FANCA: variants seen among roughly 807,000 people sequenced by gnomAD.
FANCA encodes Fanconi anemia group A protein.
FANCA carries 236 observed loss-of-function variants against 194.3 expected under a neutral mutation model. The ratio of observed to expected loss-of-function variants is 1.21; its 90% CI spans 1.09 to 1.35. The LOEUF is 1.35. FANCA is among the 40% of genes most tolerant of loss of function. FANCA has a pLI of 0.00. For missense variants in FANCA, 2,628 were observed against 1,813.9 expected, an observed-to-expected ratio of 1.45 and a Z score of -8.15; for synonymous variants, 1,014 against 715.8, an observed-to-expected ratio of 1.42 and a Z score of -6.65.
chr16:89,771,688 C>T lies in FANCA; in HGVS notation c.2141G>A (p.Arg714Gln), dbSNP rs1054636249. Residue 714 changes from arginine to glutamine, a missense_variant, in exon 23 of 43, where the codon CGG becomes CAG. Physicochemically the swap from Arg to Gln is conservative, Grantham distance 43. Transcript: ENST00000389301. Reference sequence around the variant, plus strand: ...AGCCCCTACACCTACCATGTGTTCCCGTGGCTCCAGTCTCGGCGTGTTGAT... The same window carrying T: ...AGCCCCTACACCTACCATGTGTTCCTGTGGCTCCAGTCTCGGCGTGTTGAT... ...LSINTPRLEPREHMAVDLLLT... is the reference protein window; with the variant it reads ...LSINTPRLEPQEHMAVDLLLT... 1.5e-5 allele frequency: 24 copies of T among 1,614,012 alleles called. No homozygotes were observed. Among genetic ancestry groups the T allele is most frequent in the Non-Finnish European group, 1.8e-5 (21 of 1,180,024 alleles).
rs146739821 is a variant in FANCA, at chr16:89,776,687, C to T, written c.1827-872G>A. Among the ~76,000 whole-genome samples the T allele has an allele frequency of 5.6e-3, 849 of 151,496 alleles. 7 individuals are homozygous for T. The highest frequency in any genetic ancestry group is 0.02 in the African/African-American group (814 of 41,326). Reference sequence around the variant, plus strand: ...CTAAAAATACAAAAACAAAATTAGCCGGGCGTGGTGGCGGGCGCCTGCAGT... The same window carrying T: ...CTAAAAATACAAAAACAAAATTAGCTGGGCGTGGTGGCGGGCGCCTGCAGT... On this transcript the variant is annotated intron_variant, in intron 20 of 42. Coordinates refer to ENST00000389301, the MANE Select transcript of FANCA (RefSeq NM_000135.4).
Position 89,779,731 on chromosome 16 carries a change from C to G in FANCA, c.1715+138G>C. On this transcript the variant is annotated intron_variant, in intron 18 of 42. Transcript: ENST00000389301. ...CAGAAATGGGACACACTCCAAAGAG[C>G]CCCAGACGCTGGCAGGCATCAGAGC... is the stretch of plus-strand genomic sequence containing the variant. The G allele has an allele frequency of 4.0e-6, 3 of 759,410 alleles. No homozygotes were observed. In the South Asian group the frequency reaches 4.4e-5, roughly 11 times the overall value. 47.0% of individuals were successfully genotyped at this position (759,410 alleles called of 1,614,324 possible).
At chr16:89,796,859 A>G (rs2040264852) in intron 10 of FANCA, among the ~76,000 whole-genome samples, 1 of 152,056 alleles carries the variant, frequency 6.6e-6, no homozygotes, top group African/African-American at 2.4e-5. Context: ...CATCTACACT[A>G]AAAATACCAA....
intron 15 of FANCA, among the ~76,000 whole-genome samples, chr16:89,784,136 CG>C (rs1044398010): frequency 1.3e-4 from 20 of 152,040 alleles, no homozygotes; most frequent in African/African-American, 4.8e-4. Flanking sequence ...GAGGCCAAGG[CG>C]GAAGGATCAC....
chr16:89,768,734 T>C (rs1321532543), intron 26 of FANCA, among the ~76,000 whole-genome samples: 1 of 152,156 alleles, frequency 6.6e-6, no homozygotes, highest in Non-Finnish European at 1.5e-5. Context: ...CCCTTTCTTA[T>C]GCAAAAAGTA....
chr16:89,804,992 C>T (rs2040585012), intron 7 of FANCA, among the ~76,000 whole-genome samples: 1 of 152,146 alleles, frequency 6.6e-6, no homozygotes, highest in Non-Finnish European at 1.5e-5. Flanking sequence ...GCTGAGATCG[C>T]GCCACTGTAC....
intron 3 of FANCA, among the ~76,000 whole-genome samples, chr16:89,813,701 G>C (rs185870372): frequency 1.3e-5 from 2 of 152,246 alleles, no homozygotes; most frequent in East Asian, 1.9e-4. Flanking sequence ...CCAAAGTGCT[G>C]CGATTATAGG....
chr16:89,740,299 A>AC, intron 38 of FANCA, 200 bp from the exon 39 acceptor site: 1 of 600,880 alleles, frequency 1.7e-6, no homozygotes, highest in Non-Finnish European at 3.0e-6. Context: ...GACTTCGAGC[A>AC]CCCACACCAA....
intron 3 of FANCA, among the ~76,000 whole-genome samples, chr16:89,813,354 G>C (rs1450385201): frequency 6.6e-6 from 1 of 151,194 alleles, no homozygotes; most frequent in East Asian, 2.0e-4. Flanking sequence ...ACTGCAGTGA[G>C]CCGTGATTGC....
chr16:89,791,768 C>T lies in FANCA; in HGVS notation c.1225+159G>A, dbSNP rs1162113897. On this transcript the variant is annotated intron_variant, in intron 13 of 42. Transcript: ENST00000389301. The stretch of plus-strand genomic sequence containing the variant: ...GAGCAGCAGTCAGTGCTTATGGAAG[C>T]GTCTGACAAAGAATGTTCCATCGAC... 1.5e-5 allele frequency: 15 copies of T among 1,029,136 alleles called. No individual in the cohort carries two copies. The East Asian group carries it at 2.3e-4, about 16-fold the overall frequency. 63.8% of individuals were successfully genotyped at this position (1,029,136 alleles called of 1,614,324 possible).
At chr16:89,775,878 TC>T (rs2143394102) in intron 20 of FANCA, 63 bp from the exon 21 acceptor site, 1 of 990,474 alleles carries the variant, frequency 1.0e-6, no homozygotes, top group Admixed American at 2.0e-5. Flanking sequence ...AAGATTACAA[TC>T]CCCAAATCTA....
rs770599933 is a variant in FANCA at position 89,816,617 on chromosome 16, G to C, written c.-2C>G. 8 of 1,522,752 alleles carry C rather than the reference G, an allele frequency of 5.3e-6. No individual in the cohort carries two copies. The highest frequency in any genetic ancestry group is 4.0e-5 in the Admixed American group (2 of 50,468). 94.3% of individuals were successfully genotyped at this position (1,522,752 alleles called of 1,614,324 possible). On this transcript the variant is annotated 5_prime_UTR_variant, in exon 1 of 43. Coordinates refer to ENST00000389301, the MANE Select transcript of FANCA (RefSeq NM_000135.4). ...GTTCGGGACCCACGAGTCGGACATGGCCTTGGCGCCTACAGCCCCGGCGGC... is the reference window on the plus strand; with the variant it reads ...GTTCGGGACCCACGAGTCGGACATGCCCTTGGCGCCTACAGCCCCGGCGGC...
At chr16:89,803,403 G>A in intron 7 of FANCA, 62 bp from the exon 8 acceptor site, 9 of 1,449,990 alleles carry the variant, frequency 6.2e-6, no homozygotes, top group Non-Finnish European at 8.7e-6. Flanking sequence ...ACTGTGAATG[G>A]CACAGACCAT....
At chr16:89,795,051 G>A (rs1439266497) in intron 11 of FANCA, among the ~76,000 whole-genome samples, 1 of 152,170 alleles carries the variant, frequency 6.6e-6, no homozygotes, top group Non-Finnish European at 1.5e-5. Flanking sequence ...TTGGGAGGCC[G>A]AGACGGGCGG....
At chr16:89,798,244 C>A (rs538264913) in intron 10 of FANCA, 33 of 727,384 alleles carry the variant, frequency 4.5e-5, no homozygotes, top group Admixed American at 1.2e-4. Flanking sequence ...TAGGGGCACC[C>A]TGACCTCCAA....
chr16:89,765,356 CT>C (rs920906571), intron 27 of FANCA, among the ~76,000 whole-genome samples: 2 of 149,072 alleles, frequency 1.3e-5, no homozygotes, highest in Non-Finnish European at 3.0e-5. Flanking sequence ...AGTCCAGCCC[CT>C]GGGAGGGCAC....
Position 89,807,313 on chromosome 16 carries a change from C to A in FANCA, c.596+981G>T, listed in dbSNP as rs929723845. Among the ~76,000 whole-genome samples, 118 of 151,518 alleles carry A rather than the reference C, an allele frequency of 7.8e-4. 2 individuals are homozygous for A. Among genetic ancestry groups the A allele is most frequent in the Non-Finnish European group, 2.1e-4 (14 of 67,912 alleles). On this transcript the variant is annotated intron_variant, in intron 6 of 42. Coordinates refer to ENST00000389301, the MANE Select transcript of FANCA (RefSeq NM_000135.4). ...CTCTACTAAACATACAAAAATTAGC[C>A]GGGTGTGGTGGCACGCGCCTGTAGT... is the stretch of plus-strand genomic sequence containing the variant.
intron 32 of FANCA, among the ~76,000 whole-genome samples, chr16:89,749,484 C>A (rs1171195446): frequency 4.6e-5 from 7 of 152,224 alleles, no homozygotes; most frequent in African/African-American, 1.7e-4. Context: ...ACCTCAGCCT[C>A]CCAAAATGCT....
chr16:89,809,825 C>T (rs186458314), intron 5 of FANCA, among the ~76,000 whole-genome samples: 48 of 151,716 alleles, frequency 3.2e-4, no homozygotes, highest in Non-Finnish European at 5.6e-4. Flanking sequence ...TGCACTCCAG[C>T]CTGGGCAACA....
Sources: gnomAD v4.1 joint callset for allele counts (sites outside exome capture counted in the v4.1 genomes callset) on GRCh38, gnomAD v4.1.1 for gene constraint, MANE v1.5 for transcripts, NCBI Gene and HGNC (gene_info 2026-07-23, HGNC 2026-07-21) for gene names.